Variants in MYOM1 observed in about 807,000 individuals in gnomAD.
The protein encoded by MYOM1 is myomesin-1.
A neutral mutation model predicts 205.3 loss-of-function variants in MYOM1; 164 were observed. That is an observed-to-expected ratio of 0.80 (90% CI 0.70 to 0.91). The LOEUF is 0.91. MYOM1 is among the 40% of genes least tolerant of loss of function. The probability of loss-of-function intolerance (pLI) is 0.00; values close to 1 mark genes in which losing one functional copy is unlikely to be tolerated. For missense variants in MYOM1, 2,011 were observed against 2,127.3 expected, an observed-to-expected ratio of 0.95 and a Z score of 1.08; for synonymous variants, 772 against 789.4, an observed-to-expected ratio of 0.98 and a Z score of 0.37.
intron 18 of MYOM1, among the ~76,000 whole-genome samples, chr18:3,127,305 A>ATATATATTTTT (rs56880961): frequency 1.1e-4 from 5 of 47,570 alleles, no homozygotes; most frequent in African/African-American, 2.8e-4. Flanking sequence ...ATATATATAT[A>ATATATATTTTT]TTTTTTTTTT....
At position 3,193,670 on chromosome 18, in the gene MYOM1, C is replaced by T. The variant is rs2080951358; in HGVS notation, c.431+148G>A. On this transcript the variant is annotated intron_variant, in intron 3 of 37. Coordinates refer to ENST00000356443, the MANE Select transcript of MYOM1 (RefSeq NM_003803.4). The stretch of plus-strand genomic sequence containing the variant: ...TAAGTGCTTAATAAAAGGTTAGCTG[C>T]TTTTACTATAATCTAACAAGTGCTC... 2.2e-5 allele frequency: 19 copies of T among 851,178 alleles called. No individual in the cohort carries two copies. In the South Asian group the frequency reaches 4.6e-4, roughly 21 times the overall value. The allele number at this position is 851,178 out of a possible 1,614,324, so 52.7% of individuals were successfully genotyped here. A position where few individuals can be genotyped will look rare whatever the true frequency, so the allele number is the denominator to read the frequency against.
intron 13 of MYOM1, among the ~76,000 whole-genome samples, chr18:3,146,296 G>GA (rs1286427154): frequency 2.6e-5 from 4 of 151,894 alleles, no homozygotes; most frequent in Non-Finnish European, 5.9e-5. Flanking sequence ...ACTTTACTGG[G>GA]AAAAACCACA....
At chr18:3,100,230 A>G (rs376142145) in intron 24 of MYOM1, 27 bp from the exon 25 acceptor site, 1,618 of 1,613,944 alleles carry the variant, frequency 1.0e-3, no homozygotes, top group Non-Finnish European at 1.3e-3. Flanking sequence ...AAGGCAGTTA[A>G]ACCTTAAACT....
chr18:3,186,831 AAAG>A (rs2080821978), intron 5 of MYOM1, among the ~76,000 whole-genome samples: 1 of 151,500 alleles, frequency 6.6e-6, no homozygotes, highest in Non-Finnish European at 1.5e-5. Context: ...AAAGAGAAAG[AAAG>A]AAGAGAAAAG....
rs1955586730 is a variant in MYOM1 at position 3,189,152 on chromosome 18, C to A, written c.432-65G>T. ...GCAGTGATAAGATTGAGTAATTTTACTAAGTTCAAAGTACCACATCTCAGA... is the reference window on the plus strand; with the variant it reads ...GCAGTGATAAGATTGAGTAATTTTAATAAGTTCAAAGTACCACATCTCAGA... On this transcript the variant is annotated intron_variant, in intron 3 of 37. Transcript: ENST00000356443. The surrounding 1 kb of genome is among the most constrained non-coding windows in gnomAD (Gnocchi z 4.8). 1 of 1,478,932 alleles carries A rather than the reference C, an allele frequency of 6.8e-7. No individual in the cohort carries two copies. Among genetic ancestry groups the A allele is most frequent in the East Asian group, 2.3e-5 (1 of 43,984 alleles). 91.6% of individuals were successfully genotyped at this position (1,478,932 alleles called of 1,614,324 possible).
At chr18:3,171,193 G>A (rs934106744) in intron 8 of MYOM1, among the ~76,000 whole-genome samples, 7 of 152,128 alleles carry the variant, frequency 4.6e-5, no homozygotes, top group Admixed American at 2.0e-4. Context: ...TCTTGATTTC[G>A]TGTGTTCCCA....
At chr18:3,197,851 T>C (rs576804356) in intron 2 of MYOM1, among the ~76,000 whole-genome samples, 74 of 152,002 alleles carry the variant, frequency 4.9e-4, no homozygotes, top group South Asian at 2.3e-3. Flanking sequence ...CTGGCCTGGG[T>C]GACAGAGCGA....
Position 3,089,558 on chromosome 18 carries a change from G to T in MYOM1, c.4048C>A (p.Gln1350Lys). 6.2e-7 allele frequency: 1 copy of T among 1,608,896 alleles called. No individual in the cohort carries two copies. The part of the protein sequence containing the change: ...KLQKEAEFQR[Q>K]EWIRKQGPHF... ...TTACCTTGTTTCCTGATCCATTCTT[G>T]CCGCTGGAATTCAGCTTCTTTCTGG... The change falls in exon 28 of 38, where the codon CAA (glutamine) becomes AAA (lysine). Residue 1350 changes from glutamine (Q) to lysine (K), a missense_variant. Gln to Lys is a moderately conservative substitution (Grantham distance 53). Transcript: ENST00000356443.
upstream of MYOM1, among the ~76,000 whole-genome samples, chr18:3,220,760 T>C (rs1455525538): frequency 6.6e-6 from 1 of 152,158 alleles, no homozygotes; most frequent in Non-Finnish European, 1.5e-5. Context: ...GCTTCAGGTT[T>C]TTTGTCTATA....
intron 14 of MYOM1, among the ~76,000 whole-genome samples, chr18:3,136,161 T>C (rs28678476): frequency 0.076 from 11,521 of 152,114 alleles, 1,432 homozygotes; most frequent in African/African-American, 0.26. Context: ...GCCTTTCGCC[T>C]TCCACCATGA....
intron 16 of MYOM1, among the ~76,000 whole-genome samples, chr18:3,132,990 C>T (rs2079900149): frequency 6.6e-6 from 1 of 151,988 alleles, no homozygotes; most frequent in African/African-American, 2.4e-5. Context: ...GCCAGCCCTT[C>T]AGTCCTTAGA....
At chr18:3,207,301 A>C (rs2081136019) in intron 2 of MYOM1, among the ~76,000 whole-genome samples, 1 of 152,220 alleles carries the variant, frequency 6.6e-6, no homozygotes, top group Admixed American at 6.5e-5. Flanking sequence ...AAGTGAATTT[A>C]ATCGGACTAC....
chr18:3,093,437 G>T (rs1243297769), intron 26 of MYOM1: 2 of 152,088 alleles, frequency 1.3e-5, no homozygotes. Context: ...ATGTTAAAAG[G>T]AAAGGAAAGA....
At chr18:3,218,553 A>T (rs2081296958) in intron 1 of MYOM1, among the ~76,000 whole-genome samples, 1 of 152,174 alleles carries the variant, frequency 6.6e-6, no homozygotes, top group South Asian at 2.1e-4. Context: ...ATTTTCTGTT[A>T]CAAAATATGG....
intron 3 of MYOM1, among the ~76,000 whole-genome samples, chr18:3,193,355 T>TACACAC (rs568716182): frequency 0.12 from 11,679 of 98,516 alleles, 689 homozygotes; most frequent in African/African-American, 0.21. Flanking sequence ...TACATATATA[T>TACACAC]ATATATACAC....
At chr18:3,103,563 G>T (rs2079410194) in intron 22 of MYOM1, among the ~76,000 whole-genome samples, 1 of 152,008 alleles carries the variant, frequency 6.6e-6, no homozygotes, top group Non-Finnish European at 1.5e-5. Context: ...GTCTAAACTT[G>T]GTTTGTTTCA....
At chr18:3,193,137 G>A (rs566559014) in intron 3 of MYOM1, among the ~76,000 whole-genome samples, 3 of 151,938 alleles carry the variant, frequency 2.0e-5, no homozygotes, top group South Asian at 2.1e-4. Flanking sequence ...AGCTGGGTGT[G>A]GTGGCTCGTG....
chr18:3,168,383 G>T (rs2144065602), intron 9 of MYOM1, among the ~76,000 whole-genome samples: 1 of 152,212 alleles, frequency 6.6e-6, no homozygotes, highest in Non-Finnish European at 1.5e-5. Context: ...CTGCCTCCTG[G>T]GTTCAAGTGA....
At position 3,189,190 on chromosome 18, in the gene MYOM1, C is replaced by T; in HGVS notation, c.432-103G>A. ...ACCACATCTCAGACACTGTATCCTG[C>T]ACCAAAAGAAAATCCGACATAGAAA... On this transcript the variant is annotated intron_variant, in intron 3 of 37. Coordinates refer to ENST00000356443, the MANE Select transcript of MYOM1 (RefSeq NM_003803.4). This position sits in a 1 kb window ranked among gnomAD's most constrained non-coding sequence, Gnocchi z 4.8. 9.1e-7 allele frequency: 1 copy of T among 1,092,916 alleles called. No individual in the cohort carries two copies. Among genetic ancestry groups the T allele is most frequent in the South Asian group, 1.7e-5 (1 of 60,554 alleles). 67.7% of individuals were successfully genotyped at this position (1,092,916 alleles called of 1,614,324 possible). A position where few individuals can be genotyped will look rare whatever the true frequency, so the allele number is the denominator to read the frequency against.
Sources: gnomAD v4.1 joint callset for allele counts (sites outside exome capture counted in the v4.1 genomes callset) on GRCh38, gnomAD v4.1.1 for gene constraint, Gnocchi (gnomAD v3.1) non-coding constraint, MANE v1.5 for transcripts, NCBI Gene and HGNC (gene_info 2026-07-23, HGNC 2026-07-21) for gene names.